Variants in SH3GL3 observed in about 807,000 individuals in gnomAD.
SH3GL3 encodes the protein endophilin-A3.
A neutral mutation model predicts 47.7 loss-of-function variants in SH3GL3; 33 were observed. That is an observed-to-expected ratio of 0.69 (90% CI 0.52 to 0.92). SH3GL3 has a LOEUF of 0.92. Ranked by LOEUF, SH3GL3 falls within the 40% of genes least tolerant of loss-of-function variation. SH3GL3 has a pLI of 0.00. For missense variants in SH3GL3, 363 were observed against 417.8 expected (o/e 0.87, Z 1.14); for synonymous variants, 155 against 148.8 (o/e 1.04, Z -0.30).
rs182897499 is a variant in SH3GL3 at position 83,473,164 on chromosome 15, A to G, written c.45+25586A>G. Among the ~76,000 whole-genome samples, 909 of 114,918 alleles carry G rather than the reference A, an allele frequency of 7.9e-3. 2 individuals are homozygous for G. The highest frequency in any genetic ancestry group is 0.052 in the Middle Eastern group (5 of 96). 75.4% of individuals were successfully genotyped at this position (114,918 alleles called of 152,430 possible). On this transcript the variant is annotated intron_variant, in intron 1 of 8. Transcript: ENST00000427482. ...CAGTGGGGAGGAGCAAGGGCACCTC[A>G]TTTCTGCTGATGGAGGCGAAAGTTC...
rs369784464 is a variant in SH3GL3, at chr15:83,559,298, G to C, written c.91G>C (p.Asp31His). ...ISGAEGTKLD[D>H]EFLDMERKID... ...TGGTGCTGAAGGAACTAAACTAGAC[G>C]ATGAATTTCTTGACATGGAAAGGGT... is the stretch of plus-strand genomic sequence containing the variant. The change falls in exon 2 of 9, where the codon GAT (aspartate) becomes CAT (histidine). Residue 31 changes from aspartate (D) to histidine (H), a missense_variant. Transcript: ENST00000427482. 3 of 1,592,442 alleles carry C rather than the reference G, an allele frequency of 1.9e-6. No homozygotes were observed. The highest frequency in any genetic ancestry group is 2.2e-5 in the East Asian group (1 of 44,756).
chr15:83,481,200 G>A lies in SH3GL3; in HGVS notation c.45+33622G>A, dbSNP rs150931734. Reference sequence around the variant, plus strand: ...TGAAGCAGGAGAATCGCTTGAACCCGGGAGGCGGAGGTTTCTGTGAGCCGA... The same window carrying A: ...TGAAGCAGGAGAATCGCTTGAACCCAGGAGGCGGAGGTTTCTGTGAGCCGA... On this transcript the variant is annotated intron_variant, in intron 1 of 8. Transcript: ENST00000427482. 1.2e-3 allele frequency among the ~76,000 whole-genome samples: 177 copies of A among 151,496 alleles called. 1 individual carries two copies. Among genetic ancestry groups the A allele is most frequent in the African/African-American group, 4.2e-3 (172 of 41,238 alleles).
chr15:83,493,406 C>T (rs1447103308), intron 1 of SH3GL3, among the ~76,000 whole-genome samples: 3 of 152,200 alleles, frequency 2.0e-5, no homozygotes, highest in East Asian at 1.9e-4. Context: ...AGCACATGTA[C>T]ACCTTTCTGG....
intron 1 of SH3GL3, among the ~76,000 whole-genome samples, chr15:83,546,204 G>C (rs1005495859): frequency 6.6e-6 from 1 of 151,388 alleles, no homozygotes; most frequent in African/African-American, 2.4e-5. Context: ...GAGTCTGCTT[G>C]ATGCTTTACT....
chr15:83,450,647 A>G (rs2039697680), intron 1 of SH3GL3, among the ~76,000 whole-genome samples: 1 of 151,852 alleles, frequency 6.6e-6, no homozygotes, highest in South Asian at 2.1e-4. Flanking sequence ...AATATAAGTT[A>G]ACAAAAAAAT....
intron 2 of SH3GL3, among the ~76,000 whole-genome samples, chr15:83,560,662 C>T (rs2045220100): frequency 6.6e-6 from 1 of 152,146 alleles, no homozygotes; most frequent in Non-Finnish European, 1.5e-5. Flanking sequence ...AGTCTATTAT[C>T]TGTTTTATTA....
At chr15:83,511,008 G>T (rs1184225753) in intron 1 of SH3GL3, among the ~76,000 whole-genome samples, 1 of 151,942 alleles carries the variant, frequency 6.6e-6, no homozygotes, top group African/African-American at 2.4e-5. Context: ...GGGGAGAGGG[G>T]GGCGGGATAG....
intron 1 of SH3GL3, among the ~76,000 whole-genome samples, chr15:83,537,857 GT>G (rs1386568340): frequency 6.6e-6 from 1 of 151,940 alleles, no homozygotes; most frequent in Non-Finnish European, 1.5e-5. Context: ...TTTCAGCCCT[GT>G]TATAGATGTT....
chr15:83,553,526 T>G (rs953372344), intron 1 of SH3GL3, among the ~76,000 whole-genome samples: 1 of 152,210 alleles, frequency 6.6e-6, no homozygotes, highest in Non-Finnish European at 1.5e-5. Context: ...TGTTTTCTTT[T>G]GGATTGAAAA....
intron 6 of SH3GL3, among the ~76,000 whole-genome samples, chr15:83,585,567 A>G (rs2059932951): frequency 6.6e-6 from 1 of 152,240 alleles, no homozygotes; most frequent in Non-Finnish European, 1.5e-5. Flanking sequence ...AACAAATTCT[A>G]CTACGATCGT....
rs1428349598 is a variant in SH3GL3 at position 83,559,007 on chromosome 15, A to G, written c.46-246A>G. ...CAAGTATCTCTCTTGTCTATGTCCT[A>G]CAGCACTTACCATGTGTTTTACACA... On this transcript the variant is annotated intron_variant, in intron 1 of 8. Coordinates refer to ENST00000427482, the MANE Select transcript of SH3GL3 (RefSeq NM_003027.5). Among the ~76,000 whole-genome samples the G allele has an allele frequency of 2.0e-5, 3 of 152,238 alleles. No individual in the cohort carries two copies. The East Asian group carries it at 5.8e-4, about 29-fold the overall frequency.
intron 1 of SH3GL3, among the ~76,000 whole-genome samples, chr15:83,474,431 A>C (rs540429130): frequency 6.6e-6 from 1 of 152,302 alleles, no homozygotes; most frequent in African/African-American, 2.4e-5. Context: ...AAATATTGGC[A>C]ATTAATTTAA....
At chr15:83,564,461 G>C (rs966718531) in intron 2 of SH3GL3, among the ~76,000 whole-genome samples, 5 of 152,048 alleles carry the variant, frequency 3.3e-5, no homozygotes, top group Non-Finnish European at 7.4e-5. Flanking sequence ...TATAAATAAA[G>C]CTATTGCAAC....
At chr15:83,527,147 C>A (rs975255321) in intron 1 of SH3GL3, among the ~76,000 whole-genome samples, 31 of 152,096 alleles carry the variant, frequency 2.0e-4, no homozygotes, top group African/African-American at 7.5e-4. Flanking sequence ...ATTTTGTCAT[C>A]TGTAAAGAGA....
chr15:83,462,765 A>G (rs1206260277), intron 1 of SH3GL3, among the ~76,000 whole-genome samples: 1 of 152,244 alleles, frequency 6.6e-6, no homozygotes, highest in Non-Finnish European at 1.5e-5. Flanking sequence ...TCAATGGAAC[A>G]GACAAAAATC....
chr15:83,579,436 G>A (rs2059772335), intron 6 of SH3GL3, among the ~76,000 whole-genome samples: 1 of 152,172 alleles, frequency 6.6e-6, no homozygotes, highest in Admixed American at 6.5e-5. Flanking sequence ...CATTGAGGTG[G>A]GAGGAGACCA....
intron 1 of SH3GL3, among the ~76,000 whole-genome samples, chr15:83,546,218 C>T (rs903349161): frequency 1.3e-5 from 2 of 150,838 alleles, no homozygotes; most frequent in Non-Finnish European, 2.9e-5. Flanking sequence ...CTTTACTGTA[C>T]TGTGGCTGAG....
intron 6 of SH3GL3, among the ~76,000 whole-genome samples, chr15:83,585,126 C>T (rs1259036643): frequency 6.6e-6 from 1 of 152,340 alleles, no homozygotes; most frequent in East Asian, 1.9e-4. Context: ...TTACTGTCAA[C>T]AAGAGACTTA....
intron 1 of SH3GL3, among the ~76,000 whole-genome samples, chr15:83,544,546 GTTA>G (rs1438274360): frequency 1.3e-5 from 2 of 152,078 alleles, no homozygotes; most frequent in Non-Finnish European, 2.9e-5. Flanking sequence ...CAATTACAGT[GTTA>G]TTATAGTCTG....
Sources: gnomAD v4.1 joint callset for allele counts (sites outside exome capture counted in the v4.1 genomes callset) on GRCh38, gnomAD v4.1.1 for gene constraint, MANE v1.5 for transcripts, NCBI Gene and HGNC (gene_info 2026-07-23, HGNC 2026-07-21) for gene names.